ESRRG: variants seen among roughly 807,000 people sequenced by gnomAD.
ESRRG encodes estrogen-related receptor gamma.
In ESRRG, 13 loss-of-function variants were observed where a neutral mutation model predicts 44.0. That is an observed-to-expected ratio of 0.30 (90% CI 0.19 to 0.47). ESRRG has a LOEUF of 0.47. Ranked by LOEUF, ESRRG falls within the 20% of genes least tolerant of loss-of-function variation. The pLI is 1.00. For missense variants in ESRRG, 395 were observed against 580.6 expected (o/e 0.68, Z 3.29); for synonymous variants, 215 against 214.6 (o/e 1.00, Z -0.02).
intron 3 of ESRRG, among the ~76,000 whole-genome samples, chr1:216,595,286 C>CAGTGCTCATCATGT (rs2058275933): frequency 2.0e-5 from 3 of 152,164 alleles, no homozygotes; most frequent in Non-Finnish European, 4.4e-5. Flanking sequence ...TCATGGCACT[C>CAGTGCTCATCATGT]AGTGCTCATC....
chr1:217,034,388 A>C (rs762459088), intron 1 of ESRRG, among the ~76,000 whole-genome samples: 1 of 152,130 alleles, frequency 6.6e-6, no homozygotes, highest in East Asian at 1.9e-4. Flanking sequence ...TTAGAGTTTG[A>C]CAGTTTGAGA....
intron 3 of ESRRG, among the ~76,000 whole-genome samples, chr1:216,603,864 C>T (rs770138968): frequency 6.7e-6 from 1 of 149,594 alleles, no homozygotes; most frequent in African/African-American, 2.5e-5. Context: ...ACCCAGGAGG[C>T]GGAGGTTGCA....
chr1:216,563,914 G>A lies in ESRRG; in HGVS notation c.862+305C>T, dbSNP rs182253428. ...AAGAAAAAGTAGAAGTATTTGCTAG[G>A]AAAAAGGTAAGAATTTTGACAAAGG... On this transcript the variant is annotated intron_variant, in intron 5 of 6. Transcript: ENST00000408911. Among the ~76,000 whole-genome samples the A allele has an allele frequency of 2.9e-3, 434 of 152,138 alleles. 5 individuals are homozygous for A. The highest frequency in any genetic ancestry group is 3.4e-3 in the Middle Eastern group (1 of 294).
At chr1:216,584,873 T>C (rs1471987418) in intron 3 of ESRRG, among the ~76,000 whole-genome samples, 1 of 152,224 alleles carries the variant, frequency 6.6e-6, no homozygotes, top group African/African-American at 2.4e-5. Flanking sequence ...GATTGGAGAA[T>C]ATCAATGTGT....
intron 3 of ESRRG, among the ~76,000 whole-genome samples, chr1:216,632,676 C>T (rs1310821500): frequency 1.3e-5 from 2 of 151,270 alleles, no homozygotes; most frequent in Admixed American, 6.6e-5. Context: ...CTGTACTAGT[C>T]AACAGTTAGT....
chr1:216,654,010 C>A (rs926556658), intron 2 of ESRRG, among the ~76,000 whole-genome samples: 5 of 151,338 alleles, frequency 3.3e-5, no homozygotes, highest in Non-Finnish European at 2.9e-5. Flanking sequence ...TTAGTCCCAG[C>A]CTCTTGGAAG....
At chr1:217,036,614 TAGAAC>T (rs2082940564) in intron 1 of ESRRG, among the ~76,000 whole-genome samples, 1 of 151,882 alleles carries the variant, frequency 6.6e-6, no homozygotes, top group South Asian at 2.1e-4. Flanking sequence ...GCTAAATGAT[TAGAAC>T]ACATGGACAC....
chr1:216,901,936 AT>A (rs2059127546), intron 2 of ESRRG, among the ~76,000 whole-genome samples: 2 of 151,530 alleles, frequency 1.3e-5, no homozygotes, highest in Admixed American at 1.3e-4. Flanking sequence ...TTTTATTTTT[AT>A]TTTTTTATAG....
chr1:216,630,253 G>A (rs576051252), intron 3 of ESRRG, among the ~76,000 whole-genome samples: 34 of 152,142 alleles, frequency 2.2e-4, no homozygotes, highest in African/African-American at 7.9e-4. Context: ...TCATTCTCTG[G>A]TCAGAGAGAC....
chr1:216,700,511 C>G (rs116964291), intron 1 of ESRRG, among the ~76,000 whole-genome samples: 4 of 152,118 alleles, frequency 2.6e-5, no homozygotes, highest in Non-Finnish European at 5.9e-5. Context: ...CACACACTTA[C>G]GCACTCATTT....
intron 1 of ESRRG, among the ~76,000 whole-genome samples, chr1:216,945,767 C>T (rs958816309): frequency 3.3e-5 from 5 of 152,074 alleles, no homozygotes; most frequent in Admixed American, 6.6e-5. Context: ...AAAAAAGAGC[C>T]GACAGTGTTC....
intron 2 of ESRRG, among the ~76,000 whole-genome samples, chr1:216,827,244 A>G (rs1193141290): frequency 6.6e-6 from 1 of 152,216 alleles, no homozygotes; most frequent in East Asian, 1.9e-4. Context: ...ACAGTGATAT[A>G]CTGATCTGAT....
At chr1:216,752,990 T>C (rs930550985) in intron 2 of ESRRG, among the ~76,000 whole-genome samples, 2 of 152,164 alleles carry the variant, frequency 1.3e-5, no homozygotes, top group South Asian at 2.1e-4. Flanking sequence ...TTAAAAGTTA[T>C]CAAAATAAAA....
intron 1 of ESRRG, among the ~76,000 whole-genome samples, chr1:217,052,417 A>T (rs2086226974): frequency 6.6e-6 from 1 of 152,192 alleles, no homozygotes; most frequent in South Asian, 2.1e-4. Context: ...ACGCATCAAC[A>T]TCAAAAGAAT....
intron 2 of ESRRG, among the ~76,000 whole-genome samples, chr1:216,735,097 T>A (rs911130165): frequency 5.9e-5 from 9 of 151,904 alleles, no homozygotes; most frequent in Admixed American, 5.9e-4. Flanking sequence ...TTAGTAGAAA[T>A]GGGTTTTCAC....
chr1:216,917,475 A>C (rs541845861), intron 2 of ESRRG, among the ~76,000 whole-genome samples: 1 of 152,190 alleles, frequency 6.6e-6, no homozygotes. Context: ...TTTTATAGAG[A>C]TCTCACAGTT....
At chr1:216,906,060 A>C (rs1340681801) in intron 2 of ESRRG, among the ~76,000 whole-genome samples, 1 of 152,212 alleles carries the variant, frequency 6.6e-6, no homozygotes, top group African/African-American at 2.4e-5. Context: ...GCTGTTAAAG[A>C]AGTTTCTGAA....
At chr1:216,947,834 T>C (rs1270717251) in intron 1 of ESRRG, among the ~76,000 whole-genome samples, 6 of 152,180 alleles carry the variant, frequency 3.9e-5, no homozygotes, top group Non-Finnish European at 1.5e-5. Flanking sequence ...CTTAAGCTTA[T>C]ATAAGGTCAT....
chr1:217,064,193 T>C (rs2089193402), intron 1 of ESRRG, among the ~76,000 whole-genome samples: 1 of 146,752 alleles, frequency 6.8e-6, no homozygotes, highest in Non-Finnish European at 1.6e-5. Flanking sequence ...TATATAGGTA[T>C]ATATTGTATG....
Sources: gnomAD v4.1 joint callset for allele counts (sites outside exome capture counted in the v4.1 genomes callset) on GRCh38, gnomAD v4.1.1 for gene constraint, MANE v1.5 for transcripts, NCBI Gene and HGNC (gene_info 2026-07-23, HGNC 2026-07-21) for gene names.